Variants in C1orf21 observed in about 807,000 individuals in gnomAD.
The protein encoded by C1orf21 is chromosome 1 open reading frame 21.
In C1orf21, 3 loss-of-function variants were observed where a neutral mutation model predicts 18.7. That is an observed-to-expected ratio of 0.16 (90% CI 0.07 to 0.42). The LOEUF (loss-of-function observed/expected upper bound fraction) is 0.42, where lower values mean the gene tolerates loss of function less well. Among genes scored for constraint, C1orf21 ranks in the 10% least tolerant of loss-of-function variants. The pLI is 0.99. For missense variants in C1orf21, 104 were observed against 143.6 expected, an observed-to-expected ratio of 0.72 and a Z score of 1.41; for synonymous variants, 41 against 46.4, an observed-to-expected ratio of 0.88 and a Z score of 0.47.
At chr1:184,469,121 G>A (rs768155768) in intron 1 of C1orf21, among the ~76,000 whole-genome samples, 3 of 150,442 alleles carry the variant, frequency 2.0e-5, no homozygotes, top group Admixed American at 1.3e-4. Context: ...ATGGTGGCAC[G>A]TGCCTGTAGT....
Position 184,607,217 on chromosome 1 carries a change from C to T in C1orf21, c.327+8756C>T, listed in dbSNP as rs79907463. Among the ~76,000 whole-genome samples the T allele has an allele frequency of 1.6e-3, 247 of 152,284 alleles. 7 individuals carry two copies. The East Asian group carries it at 0.034, about 21-fold the overall frequency. On this transcript the variant is annotated intron_variant, in intron 5 of 5. Coordinates refer to ENST00000235307, the MANE Select transcript of C1orf21 (RefSeq NM_030806.4). ...ATTGTTGGAGGCTTGCTTAGAGATG[C>T]ATAATCATACCCTGCCTCTCTTCTG...
intron 1 of C1orf21, among the ~76,000 whole-genome samples, chr1:184,445,343 C>CCTCTCTCTCTCTCTCTCTCTCTCT (rs57710614): frequency 3.0e-5 from 4 of 134,842 alleles, no homozygotes; most frequent in African/African-American, 1.2e-4. Context: ...TTTTTTCAGA[C>CCTCTCTCTCTCTCTCTCTCTCTCT]CTCTCTCTCT....
intron 3 of C1orf21, among the ~76,000 whole-genome samples, chr1:184,533,702 C>G (rs1658504888): frequency 6.6e-6 from 1 of 152,116 alleles, no homozygotes; most frequent in African/African-American, 2.4e-5. Context: ...CAAATATCCC[C>G]AACTCTGGGA....
At chr1:184,456,147 G>T (rs759190881) in intron 1 of C1orf21, among the ~76,000 whole-genome samples, 2 of 152,106 alleles carry the variant, frequency 1.3e-5, no homozygotes, top group Non-Finnish European at 2.9e-5. Context: ...GCCTTGTAGG[G>T]AAAATGTTGC....
At chr1:184,483,182 C>T (rs1381072384) in intron 2 of C1orf21, among the ~76,000 whole-genome samples, 1 of 152,130 alleles carries the variant, frequency 6.6e-6, no homozygotes, top group Non-Finnish European at 1.5e-5. Flanking sequence ...GTTGTCAGGG[C>T]AGATGTGAAT....
In C1orf21 at chr1:184,564,035, A is replaced by G. The variant is rs116005347; in HGVS notation, c.190-26704A>G. 3.2e-3 allele frequency among the ~76,000 whole-genome samples: 485 copies of G among 152,314 alleles called. 2 individuals are homozygous for G. Among genetic ancestry groups the G allele is most frequent in the African/African-American group, 0.011 (452 of 41,556 alleles). ...GAATTCTCAGAGGTGATCAACAGTC[A>G]TTGTTAGCATTATTTCACCGTGGAT... On this transcript the variant is annotated intron_variant, in intron 3 of 5. Coordinates refer to ENST00000235307, the MANE Select transcript of C1orf21 (RefSeq NM_030806.4).
intron 2 of C1orf21, among the ~76,000 whole-genome samples, chr1:184,488,106 A>G (rs1280400094): frequency 6.6e-6 from 1 of 152,222 alleles, no homozygotes; most frequent in Admixed American, 6.5e-5. Flanking sequence ...TCAATTGTCC[A>G]TGTAATACTT....
intron 3 of C1orf21, among the ~76,000 whole-genome samples, chr1:184,517,232 C>G (rs1474688303): frequency 1.3e-5 from 2 of 152,178 alleles, no homozygotes; most frequent in South Asian, 4.1e-4. Context: ...AATATACATT[C>G]CCCTGTAGAT....
chr1:184,420,174 T>C (rs1337420874), intron 1 of C1orf21, among the ~76,000 whole-genome samples: 2 of 151,982 alleles, frequency 1.3e-5, no homozygotes, highest in East Asian at 3.9e-4. Flanking sequence ...GATTACTCTC[T>C]AAGAGCCAGG....
chr1:184,584,057 C>T (rs1659318140), intron 3 of C1orf21, among the ~76,000 whole-genome samples: 2 of 151,864 alleles, frequency 1.3e-5, no homozygotes, highest in South Asian at 4.2e-4. Context: ...GGTAGTGAAC[C>T]ACGTGTCTCA....
At chr1:184,400,581 T>C (rs1405002124) in intron 1 of C1orf21, among the ~76,000 whole-genome samples, 1 of 152,260 alleles carries the variant, frequency 6.6e-6, no homozygotes, top group Admixed American at 6.5e-5. Context: ...CATTGCATTT[T>C]ACAACTGCAG....
chr1:184,569,198 T>G (rs1659075993), intron 3 of C1orf21, among the ~76,000 whole-genome samples: 1 of 152,216 alleles, frequency 6.6e-6, no homozygotes, highest in Admixed American at 6.5e-5. Flanking sequence ...CCATGCTACC[T>G]TGACTAGCTT....
At chr1:184,541,237 A>C (rs899863417) in intron 3 of C1orf21, among the ~76,000 whole-genome samples, 2 of 152,260 alleles carry the variant, frequency 1.3e-5, no homozygotes, top group African/African-American at 4.8e-5. Flanking sequence ...GTAGCAGTAC[A>C]GATGAAATAT....
chr1:184,500,272 G>A (rs1657956333), intron 2 of C1orf21, among the ~76,000 whole-genome samples: 1 of 152,240 alleles, frequency 6.6e-6, no homozygotes, highest in Admixed American at 6.5e-5. Context: ...CTTAATGACT[G>A]GATAATAGTT....
intron 2 of C1orf21, among the ~76,000 whole-genome samples, chr1:184,502,509 T>G (rs1364841511): frequency 1.3e-5 from 2 of 152,148 alleles, no homozygotes; most frequent in Non-Finnish European, 2.9e-5. Context: ...TTCTTTTTTT[T>G]TTCGTTTGCT....
At chr1:184,521,057 C>G (rs938427195) in intron 3 of C1orf21, among the ~76,000 whole-genome samples, 16 of 152,126 alleles carry the variant, frequency 1.1e-4, no homozygotes, top group African/African-American at 3.9e-4. Flanking sequence ...CTATGTGTGG[C>G]TAATTTTGTA....
intron 3 of C1orf21, among the ~76,000 whole-genome samples, chr1:184,586,284 A>ATT (rs1659350738): frequency 2.1e-5 from 2 of 93,234 alleles, no homozygotes; most frequent in African/African-American, 1.1e-4. Context: ...TCTTTTGTCC[A>ATT]CTTTTTTTTT....
At chr1:184,407,532 C>T (rs1025961341) in intron 1 of C1orf21, among the ~76,000 whole-genome samples, 9 of 152,152 alleles carry the variant, frequency 5.9e-5, no homozygotes, top group African/African-American at 1.2e-4. Flanking sequence ...GTGCCGCATC[C>T]GCTTAGTGCA....
chr1:184,411,550 T>A (rs1656354389), intron 1 of C1orf21, among the ~76,000 whole-genome samples: 1 of 151,174 alleles, frequency 6.6e-6, no homozygotes, highest in East Asian at 2.0e-4. Context: ...GCCTCCCGAG[T>A]AGCTGGGACT....
Sources: gnomAD v4.1 joint callset for allele counts (sites outside exome capture counted in the v4.1 genomes callset) on GRCh38, gnomAD v4.1.1 for gene constraint, MANE v1.5 for transcripts, NCBI Gene and HGNC (gene_info 2026-07-23, HGNC 2026-07-21) for gene names.